The following DPP10 variants were observed in gnomAD, a reference collection of about 807,000 sequenced individuals.
DPP10 encodes dipeptidyl peptidase like 10.
DPP10 carries 33 observed loss-of-function variants against 120.9 expected under a neutral mutation model. The observed-to-expected ratio is 0.27, with a 90% CI of 0.21 to 0.37. DPP10 has a LOEUF of 0.37. Ranked by LOEUF, DPP10 falls within the 10% of genes least tolerant of loss-of-function variation. The pLI, the probability that DPP10 is intolerant of heterozygous loss-of-function variation, is 1.00. For synonymous variants in DPP10, 337 were observed against 326.1 expected (o/e 1.03, Z -0.36); for missense variants, 816 against 942.8 (o/e 0.87, Z 1.76).
chr2:115,593,385 A>G (rs1331689988), intron 5 of DPP10, among the ~76,000 whole-genome samples: 2 of 152,162 alleles, frequency 1.3e-5, no homozygotes, highest in African/African-American at 2.4e-5. Flanking sequence ...TGTAATTTGG[A>G]CCAAGAGTTC....
chr2:115,447,462 G>T (rs1253715562), intron 3 of DPP10, among the ~76,000 whole-genome samples: 1 of 152,126 alleles, frequency 6.6e-6, no homozygotes, highest in East Asian at 1.9e-4. Context: ...TTTGGGAGGG[G>T]CTAGGGGTGG....
At chr2:114,635,659 A>C (rs1695250620) in intron 1 of DPP10, among the ~76,000 whole-genome samples, 1 of 151,884 alleles carries the variant, frequency 6.6e-6, no homozygotes, top group Non-Finnish European at 1.5e-5. Context: ...GACTTGTATT[A>C]AGGCAGCAGA....
intron 5 of DPP10, among the ~76,000 whole-genome samples, chr2:115,592,542 G>T (rs768278492): frequency 7.9e-5 from 12 of 151,096 alleles, no homozygotes; most frequent in Non-Finnish European, 1.5e-4. Context: ...AGACCATCCT[G>T]GCCAACATGG....
At chr2:114,907,212 G>A (rs1301180742) in intron 1 of DPP10, among the ~76,000 whole-genome samples, 1 of 151,384 alleles carries the variant, frequency 6.6e-6, no homozygotes, top group South Asian at 2.1e-4. Flanking sequence ...TTTCTTGGTC[G>A]GTGTAGATAG....
intron 1 of DPP10, among the ~76,000 whole-genome samples, chr2:114,596,813 C>G (rs1017754635): frequency 1.3e-5 from 2 of 152,020 alleles, no homozygotes; most frequent in Admixed American, 6.6e-5. Flanking sequence ...AACTACCAAT[C>G]TGGGCCTTTT....
At chr2:114,898,241 C>T (rs1338474258) in intron 1 of DPP10, among the ~76,000 whole-genome samples, 1 of 151,926 alleles carries the variant, frequency 6.6e-6, no homozygotes, top group Non-Finnish European at 1.5e-5. Flanking sequence ...AGCAAACTAT[C>T]GCAAGGACAA....
intron 1 of DPP10, among the ~76,000 whole-genome samples, chr2:114,455,727 T>TCA (rs1553443872): frequency 1.5e-5 from 1 of 66,132 alleles, no homozygotes; most frequent in African/African-American, 3.9e-5. Context: ...ACAAATTCAT[T>TCA]TGTTTTTTTT....
At chr2:115,166,411 A>G (rs2052850761) in intron 1 of DPP10, among the ~76,000 whole-genome samples, 1 of 149,826 alleles carries the variant, frequency 6.7e-6, no homozygotes, top group Non-Finnish European at 1.5e-5. Flanking sequence ...TATACATTAA[A>G]TAAAGATGTT....
At chr2:114,579,501 T>C (rs1690322367) in intron 1 of DPP10, among the ~76,000 whole-genome samples, 1 of 152,190 alleles carries the variant, frequency 6.6e-6, no homozygotes, top group African/African-American at 2.4e-5. Flanking sequence ...AGTTTAGAAA[T>C]AAGTACCTTG....
At chr2:114,609,118 C>G (rs536865342) in intron 1 of DPP10, among the ~76,000 whole-genome samples, 2 of 151,950 alleles carry the variant, frequency 1.3e-5, no homozygotes, top group African/African-American at 4.8e-5. Context: ...TCACTTTCAT[C>G]GAGAATACAA....
chr2:115,524,067 G>C (rs1378666139), intron 4 of DPP10, among the ~76,000 whole-genome samples: 2 of 152,032 alleles, frequency 1.3e-5, no homozygotes, highest in African/African-American at 4.8e-5. Context: ...TGCATATCTG[G>C]CTCAGGAATT....
At chr2:114,791,454 G>A (rs528936764) in intron 1 of DPP10, among the ~76,000 whole-genome samples, 65 of 152,322 alleles carry the variant, frequency 4.3e-4, no homozygotes, top group African/African-American at 1.3e-3. Context: ...GAGCTGCTGG[G>A]TGTGGAAAAT....
intron 1 of DPP10, among the ~76,000 whole-genome samples, chr2:114,459,219 C>G (rs940171866): frequency 5.3e-5 from 8 of 152,188 alleles, no homozygotes; most frequent in Non-Finnish European, 7.3e-5. Flanking sequence ...GTTGCTGTGA[C>G]CTTCTTCTCT....
chr2:115,380,929 G>A (rs908112142), intron 3 of DPP10, among the ~76,000 whole-genome samples: 26 of 152,178 alleles, frequency 1.7e-4, no homozygotes, highest in African/African-American at 5.8e-4. Context: ...TCCGCTGTTA[G>A]TCTGATGGGC....
Position 115,689,672 on chromosome 2 carries a change from C to CT in DPP10, c.442-9dup. The CT allele has an allele frequency of 2.1e-6, 3 of 1,456,164 alleles. No homozygotes were observed. Among genetic ancestry groups the CT allele is most frequent in the Middle Eastern group, 2.0e-4 (1 of 5,030 alleles). The allele number at this position is 1,456,164 out of a possible 1,614,324, so 90.2% of individuals were successfully genotyped here. The stretch of plus-strand genomic sequence containing the variant: ...GATAAAGCTATGATCAATAATGTTT[C>CT]TTTTTTAATTTCAGATTTTTCATTA... On this transcript the variant is annotated splice_polypyrimidine_tract_variant and intron_variant, in intron 5 of 25. Transcript: ENST00000410059.
At chr2:115,005,134 C>T (rs537013903) in intron 1 of DPP10, among the ~76,000 whole-genome samples, 1 of 151,834 alleles carries the variant, frequency 6.6e-6, no homozygotes, top group Non-Finnish European at 1.5e-5. Context: ...GCAGGGTACT[C>T]CAACAGACCT....
chr2:115,334,602 A>G (rs2063006809), intron 2 of DPP10, among the ~76,000 whole-genome samples: 1 of 152,032 alleles, frequency 6.6e-6, no homozygotes, highest in Admixed American at 6.6e-5. Context: ...CAATAACTAT[A>G]AAGAAGCAAC....
At chr2:115,141,329 G>A (rs2050916518) in intron 1 of DPP10, among the ~76,000 whole-genome samples, 1 of 152,240 alleles carries the variant, frequency 6.6e-6, no homozygotes, top group Non-Finnish European at 1.5e-5. Context: ...AATATTCACC[G>A]ATTACCTGCT....
chr2:115,067,692 T>C (rs1707010013), intron 1 of DPP10, among the ~76,000 whole-genome samples: 2 of 147,028 alleles, frequency 1.4e-5, no homozygotes, highest in African/African-American at 4.9e-5. Flanking sequence ...TGAAACCCCG[T>C]CTCTACTAAA....
Sources: gnomAD v4.1 joint callset for allele counts (sites outside exome capture counted in the v4.1 genomes callset) on GRCh38, gnomAD v4.1.1 for gene constraint, MANE v1.5 for transcripts, NCBI Gene and HGNC (gene_info 2026-07-23, HGNC 2026-07-21) for gene names.